The following ATG9A variants were observed in gnomAD, a reference collection of about 807,000 sequenced individuals.
The protein encoded by ATG9A is autophagy-related protein 9A.
A neutral mutation model predicts 87.1 loss-of-function variants in ATG9A; 21 were observed. That is an observed-to-expected ratio of 0.24 (90% CI 0.17 to 0.35). ATG9A has a LOEUF of 0.35. Among genes scored for constraint, ATG9A ranks in the 10% least tolerant of loss-of-function variants. The pLI, the probability that ATG9A is intolerant of heterozygous loss-of-function variation, is 1.00. For missense variants in ATG9A, 836 were observed against 1,107.3 expected, an observed-to-expected ratio of 0.76 and a Z score of 3.48; for synonymous variants, 422 against 441.3, an observed-to-expected ratio of 0.96 and a Z score of 0.55.
At position 219,223,481 on chromosome 2, in the gene ATG9A, C is replaced by T. The variant is rs1450749283; in HGVS notation, c.1599+104G>A. Reference sequence around the variant, plus strand: ...CAAGCAGTGTGCCCCTGGTATAGGACTGCCTTTGTGTGACTCAGGAGAGGT... The same window carrying T: ...CAAGCAGTGTGCCCCTGGTATAGGATTGCCTTTGTGTGACTCAGGAGAGGT... On this transcript the variant is annotated intron_variant, in intron 10 of 15. Transcript: ENST00000361242. The surrounding 1 kb of genome is among the most constrained non-coding windows in gnomAD (Gnocchi z 4.7). The T allele has an allele frequency of 4.5e-6, 6 of 1,333,582 alleles. No individual in the cohort carries two copies. Among genetic ancestry groups the T allele is most frequent in the Non-Finnish European group, 6.1e-6 (6 of 990,128 alleles). The allele number at this position is 1,333,582 out of a possible 1,614,324, so 82.6% of individuals were successfully genotyped here.
At chr2:219,225,240 G>A in intron 6 of ATG9A, 28 bp from the exon 7 acceptor site, 1 of 1,613,566 alleles carries the variant, frequency 6.2e-7, no homozygotes, top group Non-Finnish European at 8.5e-7. Context: ...GGGGAGGAGA[G>A]GTGGCCCTCG....
rs1419787122 is a variant in ATG9A at position 219,224,314 on chromosome 2, G to A, written c.1057C>T (p.Arg353Cys). Reference protein sequence around the residue: ...FNELEHELQSRLNRGYKPASK... With the variant: ...FNELEHELQSCLNRGYKPASK... ...GCGGGCTTGTAGCCACGGTTGAGGC[G>A]GGACTGCAGCTCGTGCTCCAGCTCG... The change falls in exon 8 of 16, where the codon CGC becomes TGC. Residue 353 changes from arginine to cysteine, a missense_variant. Coordinates refer to ENST00000361242, the MANE Select transcript of ATG9A (RefSeq NM_001077198.3). This position sits in a 1 kb window ranked among gnomAD's most constrained non-coding sequence, Gnocchi z 7.7. 3 of 1,613,770 alleles carry A rather than the reference G, an allele frequency of 1.9e-6. No individual in the cohort carries two copies. The highest frequency in any genetic ancestry group is 2.5e-6 in the Non-Finnish European group (3 of 1,180,042).
intron 13 of ATG9A, among the ~76,000 whole-genome samples, chr2:219,221,785 G>GA (rs1389900571): frequency 1.3e-5 from 2 of 152,146 alleles, no homozygotes; most frequent in Non-Finnish European, 2.9e-5. Flanking sequence ...AGTGATCAGA[G>GA]AAAGTCTCAG....
Position 219,225,499 on chromosome 2 carries a change from T to C in ATG9A, c.286A>G (p.Lys96Glu). The change falls in exon 6 of 16, where the codon AAG (lysine) becomes GAG (glutamate). Residue 96 changes from lysine (K) to glutamate (E), a missense_variant. Lys to Glu is a moderately conservative substitution (Grantham distance 56). Around this residue, in one of 2 missense-constraint regions of ATG9A, gnomAD observed 512 missense variants for 759.6 expected, o/e 0.67. Coordinates refer to ENST00000361242, the MANE Select transcript of ATG9A (RefSeq NM_001077198.3). Reference protein sequence around the residue: ...CVDYDILFANKMVNHSLHPTE... With the variant: ...CVDYDILFANEMVNHSLHPTE... ...GGGTGAAGACTGTGGTTCACCATCT[T>C]GTTGGCAAATAGGATGTCATAGTCC... 2 of 1,614,104 alleles carry C rather than the reference T, an allele frequency of 1.2e-6. No homozygotes were observed. The highest frequency in any genetic ancestry group is 1.7e-6 in the Non-Finnish European group (2 of 1,180,020).
In ATG9A at chr2:219,220,418, T is replaced by C. The variant is rs751110548; in HGVS notation, c.*29A>G. On this transcript the variant is annotated 3_prime_UTR_variant, in exon 16 of 16. Transcript: ENST00000361242. ...GGCAGGGCAGCGGTGGCCTCCATCC[T>C]GGGCCACAGGAACCCTGCTCAGCCT... The C allele has an allele frequency of 2.4e-5, 38 of 1,613,114 alleles. No homozygotes were observed. The South Asian group carries it at 4.0e-4, about 17-fold the overall frequency.
Position 219,223,878 on chromosome 2 carries a change from C to G in ATG9A, c.1410G>C (p.Gln470His). 1 of 1,614,158 alleles carries G rather than the reference C, an allele frequency of 6.2e-7. No individual in the cohort carries two copies. The highest frequency in any genetic ancestry group is 8.5e-7 in the Non-Finnish European group (1 of 1,180,040). Residue 470 changes from glutamine (Q) to histidine (H), a missense_variant, in exon 9 of 16, where the codon CAG becomes CAC. Around this residue, in one of 2 missense-constraint regions of ATG9A, gnomAD observed 512 missense variants for 759.6 expected, o/e 0.67. Coordinates refer to ENST00000361242, the MANE Select transcript of ATG9A (RefSeq NM_001077198.3). The surrounding 1 kb of genome is among the most constrained non-coding windows in gnomAD (Gnocchi z 4.7). ...QTRDEFAQLF[Q>H]YKAVFILEEL... ...CTCCAACTCCACTCACTGCCTTGTA[C>G]TGGAAGAGCTGGGCAAACTCGTCCC...
At position 219,224,882 on chromosome 2, in the gene ATG9A, G is replaced by A. The variant is rs1330169879; in HGVS notation, c.517-28C>T. 1 of 1,607,180 alleles carries A rather than the reference G, an allele frequency of 6.2e-7. No individual in the cohort carries two copies. The highest frequency in any genetic ancestry group is 1.1e-5 in the South Asian group (1 of 90,894). Reference sequence around the variant, plus strand: ...GCGGGGTGGGGTGGGGAAGAGACAAGGTACGGAAGGTGGGGTTGTTGCCTC... The same window carrying A: ...GCGGGGTGGGGTGGGGAAGAGACAAAGTACGGAAGGTGGGGTTGTTGCCTC... On this transcript the variant is annotated intron_variant, in intron 7 of 15. Transcript: ENST00000361242. The surrounding 1 kb of genome is among the most constrained non-coding windows in gnomAD (Gnocchi z 7.7).
At position 219,223,811 on chromosome 2, in the gene ATG9A, C is replaced by T; in HGVS notation, c.1420-47G>A. ...CACAAGCGAGCAGGAGGGAGCCCAGCCCTCACCACCGAGCTACCAGCCAGT... is the reference window on the plus strand; with the variant it reads ...CACAAGCGAGCAGGAGGGAGCCCAGTCCTCACCACCGAGCTACCAGCCAGT... On this transcript the variant is annotated intron_variant, in intron 9 of 15. Coordinates refer to ENST00000361242, the MANE Select transcript of ATG9A (RefSeq NM_001077198.3). The surrounding 1 kb of genome is among the most constrained non-coding windows in gnomAD (Gnocchi z 4.7). 6.2e-7 allele frequency: 1 copy of T among 1,613,884 alleles called. No homozygotes were observed. The highest frequency in any genetic ancestry group is 1.6e-4 in the Middle Eastern group (1 of 6,062).
chr2:219,225,827 T>C (rs1459822737), intron 5 of ATG9A, among the ~76,000 whole-genome samples: 1 of 152,222 alleles, frequency 6.6e-6, no homozygotes, highest in Non-Finnish European at 1.5e-5. Context: ...TACTGGACTC[T>C]CGAAGGTTTC....
In ATG9A at chr2:219,223,018, A is replaced by T; in HGVS notation, c.1600-125T>A. 3 of 1,304,986 alleles carry T rather than the reference A, an allele frequency of 2.3e-6. No individual in the cohort carries two copies. The highest frequency in any genetic ancestry group is 3.1e-6 in the Non-Finnish European group (3 of 958,316). The allele number at this position is 1,304,986 out of a possible 1,614,324, so 80.8% of individuals were successfully genotyped here. On this transcript the variant is annotated intron_variant, in intron 10 of 15. Coordinates refer to ENST00000361242, the MANE Select transcript of ATG9A (RefSeq NM_001077198.3). The surrounding 1 kb of genome is among the most constrained non-coding windows in gnomAD (Gnocchi z 4.7). ...CCACAGTATACTGTCAATCTTTCCC[A>T]GGGCACTGGTGCCCCCCCAGACCCA...
rs1353587981 is a variant in ATG9A at position 219,222,033 on chromosome 2, T to C, written c.2145+17A>G. Reference sequence around the variant, plus strand: ...CGCATCTAAACCCTCTACTCTCTTTTTTAGCTGTGCACTCACCTGGTGCAT... The same window carrying C: ...CGCATCTAAACCCTCTACTCTCTTTCTTAGCTGTGCACTCACCTGGTGCAT... On this transcript the variant is annotated intron_variant, in intron 13 of 15. Transcript: ENST00000361242. The surrounding 1 kb of genome is among the most constrained non-coding windows in gnomAD (Gnocchi z 4.3). 1 of 1,608,096 alleles carries C rather than the reference T, an allele frequency of 6.2e-7. No homozygotes were observed.
chr2:219,222,311 G>C lies in ATG9A; in HGVS notation c.1988C>G (p.Ala663Gly). ...RSFSPLQPGQ[A>G]PTGRAHSTMT... Reference sequence around the variant, plus strand: ...GGTGCTGTGAGCCCGGCCTGTGGGCGCCTGCCCGGGTTGCAGCGGGGAGAA... The same window carrying C: ...GGTGCTGTGAGCCCGGCCTGTGGGCCCCTGCCCGGGTTGCAGCGGGGAGAA... The change falls in exon 12 of 16, where the codon GCG (alanine) becomes GGG (glycine). Residue 663 changes from alanine (A) to glycine (G), a missense_variant. Transcript: ENST00000361242. This position sits in a 1 kb window ranked among gnomAD's most constrained non-coding sequence, Gnocchi z 4.3. 7 of 1,613,354 alleles carry C rather than the reference G, an allele frequency of 4.3e-6. No homozygotes were observed. The highest frequency in any genetic ancestry group is 5.9e-6 in the Non-Finnish European group (7 of 1,180,030).
At chr2:219,227,275 T>A (rs1950881133) in intron 4 of ATG9A, among the ~76,000 whole-genome samples, 1 of 152,190 alleles carries the variant, frequency 6.6e-6, no homozygotes, top group South Asian at 2.1e-4. Flanking sequence ...CCTAACACTT[T>A]GGGAGGGCAA....
intron 7 of ATG9A, 60 bp downstream of exon 7, chr2:219,225,011 C>T (rs899128026): frequency 1.1e-5 from 17 of 1,603,144 alleles, no homozygotes; most frequent in Non-Finnish European, 1.4e-5. Flanking sequence ...CCCAGGAATA[C>T]ACCCACACCT....
Position 219,224,866 on chromosome 2 carries a change from G to T in ATG9A, c.517-12C>A. The T allele has an allele frequency of 1.3e-6, 2 of 1,513,850 alleles. No homozygotes were observed. Among genetic ancestry groups the T allele is most frequent in the Non-Finnish European group, 1.8e-6 (2 of 1,122,112 alleles). 93.8% of individuals were successfully genotyped at this position (1,513,850 alleles called of 1,614,324 possible). A position where few individuals can be genotyped will look rare whatever the true frequency, so the allele number is the denominator to read the frequency against. ...TACGGAAGGGCAGACTGCGGGGTGGGGTGGGGAAGAGACAAGGTACGGAAG... is the reference window on the plus strand; with the variant it reads ...TACGGAAGGGCAGACTGCGGGGTGGTGTGGGGAAGAGACAAGGTACGGAAG... On this transcript the variant is annotated splice_polypyrimidine_tract_variant and intron_variant, in intron 7 of 15. Coordinates refer to ENST00000361242, the MANE Select transcript of ATG9A (RefSeq NM_001077198.3). This position sits in a 1 kb window ranked among gnomAD's most constrained non-coding sequence, Gnocchi z 7.7.
Position 219,225,331 on chromosome 2 carries a change from T to G in ATG9A, c.374+80A>C. On this transcript the variant is annotated intron_variant, in intron 6 of 15. Transcript: ENST00000361242. ...CCTGAGTCAGTTCTGGAGTATGAGT[T>G]GCTGCCTCAGACTCCACTCTATTAC... The G allele has an allele frequency of 1.9e-6, 3 of 1,592,650 alleles. No homozygotes were observed. The South Asian group carries it at 3.4e-5, about 18-fold the overall frequency.
chr2:219,226,977 G>C, intron 4 of ATG9A, 44 bp from the exon 5 acceptor site: 4 of 1,525,264 alleles, frequency 2.6e-6, no homozygotes, highest in Non-Finnish European at 3.6e-6. Context: ...AAGCAGGTAA[G>C]AGCACAGACT....
chr2:219,222,993 C>CCA lies in ATG9A; in HGVS notation c.1600-102_1600-101dup. ...AGGCCTTACCCTTGGAGAACGGAGA[C>CCA]CACAGTATACTGTCAATCTTTCCCA... On this transcript the variant is annotated intron_variant, in intron 10 of 15. Coordinates refer to ENST00000361242, the MANE Select transcript of ATG9A (RefSeq NM_001077198.3). This position sits in a 1 kb window ranked among gnomAD's most constrained non-coding sequence, Gnocchi z 4.3. 2 of 1,464,162 alleles carry CCA rather than the reference C, an allele frequency of 1.4e-6. No homozygotes were observed. The highest frequency in any genetic ancestry group is 9.2e-7 in the Non-Finnish European group (1 of 1,083,160). 90.7% of individuals were successfully genotyped at this position (1,464,162 alleles called of 1,614,324 possible). A position where few individuals can be genotyped will look rare whatever the true frequency, so the allele number is the denominator to read the frequency against.
intron 4 of ATG9A, 145 bp downstream of exon 4, chr2:219,227,625 T>C: frequency 1.0e-6 from 1 of 956,640 alleles, no homozygotes; most frequent in Non-Finnish European, 1.6e-6. Context: ...TTAACGATGA[T>C]TTCACCAGCC....
Sources: allele counts gnomAD v4.1 joint callset (sites outside exome capture counted in the v4.1 genomes callset), GRCh38; gene constraint gnomAD v4.1.1; regional missense constraint gnomAD v4.1.1; non-coding constraint Gnocchi (gnomAD v3.1); transcripts MANE v1.5; gene names NCBI Gene and HGNC (gene_info 2026-07-23, HGNC 2026-07-21).